Variants in TKFC observed in about 807,000 individuals in gnomAD.
TKFC encodes triokinase/FMN cyclase.
Under a neutral mutation model 61.0 loss-of-function variants are expected in TKFC, and 46 were observed. The ratio of observed to expected loss-of-function variants is 0.75; its 90% CI spans 0.60 to 0.96. The LOEUF (loss-of-function observed/expected upper bound fraction) is 0.96, where lower values mean the gene tolerates loss of function less well. Ranked by LOEUF, TKFC falls within the 50% of genes least tolerant of loss-of-function variation. TKFC has a pLI of 0.00. For missense variants in TKFC, 715 were observed against 777.5 expected (o/e 0.92, Z 0.96); for synonymous variants, 314 against 330.1 (o/e 0.95, Z 0.53).
intron 2 of TKFC, 97 bp downstream of exon 2, chr11:61,334,828 A>T (rs1856537058): frequency 6.4e-7 from 1 of 1,563,234 alleles, no homozygotes; most frequent in Admixed American, 1.7e-5. Flanking sequence ...TGACTGAGAG[A>T]TGCTATTGCC....
Position 61,342,585 on chromosome 11 carries a change from C to G in TKFC, c.702C>G (p.Ala234=), listed in dbSNP as rs1368901187. ...GCTCCCTCTGACAGATGGCAACCGC[C>G]GATGAGATTGTGAAACTCATGCTCG... ...AGVRRIKMAT[A]DEIVKLMLDH... is the part of the protein sequence containing the mutation. Residue 234 remains alanine (A), a synonymous_variant, in exon 9 of 18, where the codon GCC becomes GCG. Coordinates refer to ENST00000394900, the MANE Select transcript of TKFC (RefSeq NM_015533.4). 5 of 1,614,020 alleles carry G rather than the reference C, an allele frequency of 3.1e-6. No individual in the cohort carries two copies. Among genetic ancestry groups the G allele is most frequent in the Non-Finnish European group, 4.2e-6 (5 of 1,180,046 alleles).
intron 17 of TKFC, 36 bp downstream of exon 17, chr11:61,345,982 G>C (rs749093490): frequency 1.2e-6 from 2 of 1,601,794 alleles, no homozygotes; most frequent in Non-Finnish European, 1.7e-6. Context: ...TGGGGAGACA[G>C]GCTTCTAGCC....
At chr11:61,343,242 C>A in intron 10 of TKFC, 100 bp from the exon 11 acceptor site, 3 of 1,108,104 alleles carry the variant, frequency 2.7e-6, no homozygotes, top group Non-Finnish European at 4.0e-6. Flanking sequence ...ATCTCCCTCC[C>A]GACCTCAGAG....
intron 3 of TKFC, among the ~76,000 whole-genome samples, 185 bp from the exon 4 acceptor site, chr11:61,338,881 G>A (rs759681497): frequency 6.6e-6 from 1 of 152,140 alleles, no homozygotes; most frequent in Non-Finnish European, 1.5e-5. Context: ...CAGGCTGGGA[G>A]GTCACAGAAG....
At chr11:61,343,588 C>T in intron 11 of TKFC, 130 bp downstream of exon 11, 2 of 936,558 alleles carry the variant, frequency 2.1e-6, no homozygotes, top group South Asian at 1.6e-5. Context: ...AAGGCTCTTC[C>T]TGGGCTTCTC....
At position 61,349,194 on chromosome 11, in the gene TKFC, T is replaced by A. The variant is rs895281928; in HGVS notation, c.*2691T>A. The A allele has an allele frequency of 2.0e-5, 5 of 247,224 alleles. No homozygotes were observed. The highest frequency in any genetic ancestry group is 3.3e-5 in the Non-Finnish European group (4 of 120,520). 15.3% of individuals were successfully genotyped at this position (247,224 alleles called of 1,614,324 possible). A position where few individuals can be genotyped will look rare whatever the true frequency, so the allele number is the denominator to read the frequency against. ...CCTTCCCGCTCTCCACCCTATTTCC[T>A]CCCCTGAAGAAGAGCAACAGCTCAA... On this transcript the variant is annotated 3_prime_UTR_variant, in exon 18 of 18. Transcript: ENST00000394900.
rs1015610442 is a variant in TKFC at position 61,333,303 on chromosome 11, G to T, written c.-136G>T. ...AAGTCGCGGCGCCTTCGGATGTGGC[G>T]GATGCGGCCGTGAGCCGGCGGGGGA... On this transcript the variant is annotated 5_prime_UTR_variant, in exon 1 of 18. An upstream open reading frame in the 5' UTR gains an earlier in-frame stop. Transcript: ENST00000394900. 3 of 218,260 alleles carry T rather than the reference G, an allele frequency of 1.4e-5. No individual in the cohort carries two copies. The highest frequency in any genetic ancestry group is 2.7e-5 in the Non-Finnish European group (3 of 111,360). The allele number at this position is 218,260 out of a possible 1,614,324, so 13.5% of individuals were successfully genotyped here.
downstream of TKFC, chr11:61,349,631 G>A: frequency 1.4e-6 from 1 of 702,954 alleles, no homozygotes; most frequent in Non-Finnish European, 2.6e-6. Context: ...CCAGGCCTCA[G>A]CTGTAGCAGC....
rs1446896713 is a variant in TKFC, at chr11:61,347,508, C to T, written c.*1005C>T. On this transcript the variant is annotated 3_prime_UTR_variant, in exon 18 of 18. Coordinates refer to ENST00000394900, the MANE Select transcript of TKFC (RefSeq NM_015533.4). ...GAGCCATAAGCATGCCACTATACTC[C>T]AGCCTGGGCAACAAAGCGAGACCCT... 1.0e-6 allele frequency: 1 copy of T among 982,910 alleles called. No individual in the cohort carries two copies. Among genetic ancestry groups the T allele is most frequent in the African/African-American group, 1.8e-5 (1 of 55,466 alleles). 60.9% of individuals were successfully genotyped at this position (982,910 alleles called of 1,614,324 possible).
chr11:61,345,165 C>T (rs560957814), intron 13 of TKFC, 95 bp from the exon 14 acceptor site: 11 of 1,044,282 alleles, frequency 1.1e-5, no homozygotes, highest in Non-Finnish European at 1.5e-5. Context: ...TTCCACTTCC[C>T]TGTCGGCCTT....
At chr11:61,334,376 G>T in intron 1 of TKFC, 2 of 247,442 alleles carry the variant, frequency 8.1e-6, no homozygotes, top group Non-Finnish European at 1.6e-5. Flanking sequence ...TGATGAAGTG[G>T]GTGCTGTTCC....
intron 15 of TKFC, 30 bp downstream of exon 15, chr11:61,345,595 G>A: frequency 5.6e-6 from 9 of 1,612,176 alleles, no homozygotes; most frequent in Non-Finnish European, 7.6e-6. Flanking sequence ...ATCAGACCAG[G>A]GGTGGGCTGG....
chr11:61,335,311 C>T (rs933959723), intron 2 of TKFC: 5 of 156,088 alleles, frequency 3.2e-5, no homozygotes, highest in African/African-American at 1.2e-4. Context: ...TAAGGCCTAC[C>T]TCCAGTGGTT....
chr11:61,350,082 A>G, downstream of TKFC: 1 of 544,542 alleles, frequency 1.8e-6, no homozygotes, highest in Non-Finnish European at 3.3e-6. Context: ...GCAGAAGCCA[A>G]AGCCACCAAG....
intron 13 of TKFC, among the ~76,000 whole-genome samples, 192 bp from the exon 14 acceptor site, chr11:61,345,068 C>T (rs188239056): frequency 2.4e-4 from 36 of 152,218 alleles, no homozygotes; most frequent in Non-Finnish European, 4.3e-4. Flanking sequence ...GGGCAGGCCT[C>T]ACCTCCCCAG....
downstream of TKFC, chr11:61,353,165 C>A (rs762266199): frequency 2.5e-6 from 4 of 1,578,614 alleles, no homozygotes; most frequent in Non-Finnish European, 2.6e-6. Context: ...AGGACACACC[C>A]GACTGTGCTA....
downstream of TKFC, chr11:61,352,876 A>T: frequency 6.3e-7 from 1 of 1,577,948 alleles, no homozygotes; most frequent in African/African-American, 1.4e-5. Context: ...AGTGGACCCA[A>T]CCCCAAAATC....
chr11:61,350,101 A>G, downstream of TKFC: 1 of 563,618 alleles, frequency 1.8e-6, no homozygotes, highest in Non-Finnish European at 3.2e-6. Context: ...AGGAAAGCAG[A>G]CAGGCAGCAA....
In TKFC at chr11:61,345,529, C is replaced by A; in HGVS notation, c.1415C>A (p.Ser472Tyr). ...GCCAAGACCAGCCTCCCAGCCTGGT[C>A]TGCTGCCATGGATGCCGGCCTGGAA... is the stretch of plus-strand genomic sequence containing the variant. ...LKAKTSLPAWSAAMDAGLEAM... is the reference protein window; with the variant it reads ...LKAKTSLPAWYAAMDAGLEAM... The change falls in exon 15 of 18, where the codon TCT becomes TAT. Residue 472 changes from serine (S) to tyrosine (Y), a missense_variant. Transcript: ENST00000394900. The A allele has an allele frequency of 6.2e-7, 1 of 1,613,346 alleles. No homozygotes were observed. Among genetic ancestry groups the A allele is most frequent in the South Asian group, 1.1e-5 (1 of 91,082 alleles).
Sources: allele counts gnomAD v4.1 joint callset (sites outside exome capture counted in the v4.1 genomes callset), GRCh38; gene constraint gnomAD v4.1.1; transcripts MANE v1.5; gene names NCBI Gene and HGNC (gene_info 2026-07-23, HGNC 2026-07-21).